AGAP1: variants seen among roughly 807,000 people sequenced by gnomAD.
AGAP1 encodes the protein arf-GAP with GTPase, ANK repeat and PH domain-containing protein 1.
A neutral mutation model predicts 105.3 loss-of-function variants in AGAP1; 29 were observed. That is an observed-to-expected ratio of 0.28 (90% confidence interval 0.21 to 0.38). The LOEUF is 0.38. AGAP1 is among the 10% of genes least tolerant of loss of function. The pLI is 1.00. For synonymous variants in AGAP1, 509 were observed against 485.9 expected (o/e 1.05, Z -0.63); for missense variants, 998 against 1,165.1 (o/e 0.86, Z 2.09).
At chr2:235,646,747 T>G (rs1947400491) in intron 1 of AGAP1, among the ~76,000 whole-genome samples, 1 of 152,230 alleles carries the variant, frequency 6.6e-6, no homozygotes, top group Non-Finnish European at 1.5e-5. Context: ...TGGGCCACCC[T>G]TAGGCCTTGA....
intron 1 of AGAP1, among the ~76,000 whole-genome samples, chr2:235,500,990 A>G (rs1358019623): frequency 1.3e-5 from 2 of 152,152 alleles, no homozygotes; most frequent in African/African-American, 2.4e-5. Flanking sequence ...CTTAACACCA[A>G]TCAAAGAGCC....
rs574061716 is a variant in AGAP1 at position 235,600,436 on chromosome 2, C to A, written c.163+105587C>A. 8.6e-4 allele frequency among the ~76,000 whole-genome samples: 131 copies of A among 152,238 alleles called. No homozygotes were observed. The highest frequency in any genetic ancestry group is 2.9e-3 in the Admixed American group (44 of 15,292). On this transcript the variant is annotated intron_variant, in intron 1 of 17. Transcript: ENST00000304032. This position sits in a 1 kb window ranked among gnomAD's most constrained non-coding sequence, Gnocchi z 4.8. Reference sequence around the variant, plus strand: ...TAGACCCCCATACTCCTGTAGATACCCCCTCATTACAGACCCCCACCATCC... The same window carrying A: ...TAGACCCCCATACTCCTGTAGATACACCCTCATTACAGACCCCCACCATCC...
chr2:236,103,120 T>G (rs2059400872), intron 16 of AGAP1, among the ~76,000 whole-genome samples: 1 of 150,732 alleles, frequency 6.6e-6, no homozygotes, highest in African/African-American at 2.5e-5. Context: ...GCACAGCGCC[T>G]CCTCCCTGCT....
chr2:235,791,874 G>A (rs967285114), intron 6 of AGAP1, among the ~76,000 whole-genome samples: 1 of 152,212 alleles, frequency 6.6e-6, no homozygotes, highest in Non-Finnish European at 1.5e-5. Context: ...GAAATGTGAA[G>A]TAAGTGTCAC....
intron 1 of AGAP1, among the ~76,000 whole-genome samples, chr2:235,629,158 A>G (rs1243778029): frequency 3.9e-5 from 6 of 152,138 alleles, no homozygotes; most frequent in Non-Finnish European, 7.4e-5. Context: ...CGTGAGAACA[A>G]CAATGTTTGG....
rs1351559079 is a variant in AGAP1, at chr2:236,044,739, A to C, written c.1891+3898A>C. 6.6e-6 allele frequency among the ~76,000 whole-genome samples: 1 copy of C among 150,670 alleles called. No individual in the cohort carries two copies. The highest frequency in any genetic ancestry group is 1.5e-5 in the Non-Finnish European group (1 of 67,902). ...GGTCTCCTTCCCATTGTCGCCTCTT[A>C]GTCCTTCCCTGACCTCCAGGTTTGA... On this transcript the variant is annotated intron_variant, in intron 15 of 17. Coordinates refer to ENST00000304032, the MANE Select transcript of AGAP1 (RefSeq NM_001037131.3). This position sits in a 1 kb window ranked among gnomAD's most constrained non-coding sequence, Gnocchi z 5.7.
Position 235,872,738 on chromosome 2 carries a change from T to C in AGAP1, c.1051-10607T>C, listed in dbSNP as rs1475399516. Among the ~76,000 whole-genome samples, 1 of 152,188 alleles carries C rather than the reference T, an allele frequency of 6.6e-6. No individual in the cohort carries two copies. Among genetic ancestry groups the C allele is most frequent in the African/African-American group, 2.4e-5 (1 of 41,444 alleles). ...CCAGTGGGGGCCACCTTAGTACCAC[T>C]TCCTCCCTAAGGAAAGCGACGGGCC... On this transcript the variant is annotated intron_variant, in intron 9 of 17. Coordinates refer to ENST00000304032, the MANE Select transcript of AGAP1 (RefSeq NM_001037131.3). This position sits in a 1 kb window ranked among gnomAD's most constrained non-coding sequence, Gnocchi z 4.5.
rs899207266 is a variant in AGAP1, at chr2:236,105,877, G to A, written c.2115-14315G>A. Among the ~76,000 whole-genome samples, 2 of 152,172 alleles carry A rather than the reference G, an allele frequency of 1.3e-5. No individual in the cohort carries two copies. Among genetic ancestry groups the A allele is most frequent in the African/African-American group, 2.4e-5 (1 of 41,444 alleles). On this transcript the variant is annotated intron_variant, in intron 16 of 17. Transcript: ENST00000304032. The surrounding 1 kb of genome is among the most constrained non-coding windows in gnomAD (Gnocchi z 4.2). ...CTCCCAAAGTGCTGGGATTACAGGC[G>A]TGAGCCATCGTGCCCGGCCCCTCTT...
At chr2:236,098,907 G>A (rs2059265090) in intron 16 of AGAP1, among the ~76,000 whole-genome samples, 1 of 151,866 alleles carries the variant, frequency 6.6e-6, no homozygotes, top group Non-Finnish European at 1.5e-5. Flanking sequence ...ACAGGTGTGA[G>A]CCCACCTGGC....
intron 1 of AGAP1, among the ~76,000 whole-genome samples, chr2:235,668,076 G>A (rs538018678): frequency 7.8e-4 from 119 of 151,712 alleles, no homozygotes; most frequent in Non-Finnish European, 1.4e-3. Flanking sequence ...CACATCCAGA[G>A]CCCTTAGAGT....
chr2:235,775,761 C>T (rs992087167), intron 6 of AGAP1: 3 of 152,164 alleles, frequency 2.0e-5, no homozygotes, highest in South Asian at 2.1e-4. Context: ...ATTCTATGTA[C>T]GTGTAATTAA....
rs1449397261 is a variant in AGAP1, at chr2:235,578,590, C to G, written c.163+83741C>G. ...TTGAGGTCAGGAGTTTGAGACCAGC[C>G]TGGGCAACATGGTGAAACCTCGTCT... On this transcript the variant is annotated intron_variant, in intron 1 of 17. Transcript: ENST00000304032. This position sits in a 1 kb window ranked among gnomAD's most constrained non-coding sequence, Gnocchi z 4.9. Among the ~76,000 whole-genome samples the G allele has an allele frequency of 6.6e-6, 1 of 151,928 alleles. No homozygotes were observed. The highest frequency in any genetic ancestry group is 1.5e-5 in the Non-Finnish European group (1 of 67,964).
At chr2:235,898,205 A>C (rs1027406525) in intron 10 of AGAP1, among the ~76,000 whole-genome samples, 1 of 152,216 alleles carries the variant, frequency 6.6e-6, no homozygotes, top group South Asian at 2.1e-4. Flanking sequence ...TTATGGCTTT[A>C]AAATTAGTGT....
rs1327503033 is a variant in AGAP1 at position 236,001,017 on chromosome 2, C to T, written c.1645+32394C>T. On this transcript the variant is annotated intron_variant, in intron 13 of 17. Coordinates refer to ENST00000304032, the MANE Select transcript of AGAP1 (RefSeq NM_001037131.3). This position sits in a 1 kb window ranked among gnomAD's most constrained non-coding sequence, Gnocchi z 4.7. ...CCAGAAAGAGATGAGTTGTCCTAAC[C>T]CCCACTACCTCAGAATGTGGCCTCA... Among the ~76,000 whole-genome samples the T allele has an allele frequency of 6.6e-6, 1 of 152,142 alleles. No individual in the cohort carries two copies. The highest frequency in any genetic ancestry group is 2.4e-5 in the African/African-American group (1 of 41,424).
chr2:236,015,557 C>CTT (rs56379614), intron 13 of AGAP1, among the ~76,000 whole-genome samples: 4 of 151,282 alleles, frequency 2.6e-5, no homozygotes, highest in African/African-American at 9.7e-5. Flanking sequence ...TATAAATTGC[C>CTT]TTTTTTTTTA....
At position 236,049,214 on chromosome 2, in the gene AGAP1, G is replaced by C; in HGVS notation, c.2047G>C (p.Glu683Gln). ...CAAGGTGATGTCATCCATCGGGAAC[G>C]AGCTAGCCAACAGCGTCTGGGAAGA... ...LIKVMSSIGN[E>Q]LANSVWEESS... The change falls in exon 16 of 18, where the codon GAG becomes CAG. Residue 683 changes from glutamate (E) to glutamine (Q), a missense_variant. By Grantham distance (29) the Glu-to-Gln change is conservative. This residue lies in a region of AGAP1 where 235 missense variants were observed against 270.7 expected (regional missense o/e 0.87). Coordinates refer to ENST00000304032, the MANE Select transcript of AGAP1 (RefSeq NM_001037131.3). The C allele has an allele frequency of 1.2e-6, 2 of 1,614,192 alleles. No homozygotes were observed. Among genetic ancestry groups the C allele is most frequent in the African/African-American group, 2.7e-5 (2 of 75,036 alleles).
chr2:235,675,574 A>G (rs1043430158), intron 1 of AGAP1, among the ~76,000 whole-genome samples: 2 of 152,208 alleles, frequency 1.3e-5, no homozygotes, highest in Non-Finnish European at 2.9e-5. Context: ...TTGATTATCT[A>G]CAGTGTTTTG....
intron 14 of AGAP1, chr2:236,037,426 CTA>C (rs1300874473): frequency 6.6e-6 from 1 of 152,120 alleles, no homozygotes; most frequent in Non-Finnish European, 1.5e-5. Context: ...TGGAGAGAGT[CTA>C]TCTCTGTCAC....
chr2:235,827,867 T>C (rs952412878), intron 9 of AGAP1, among the ~76,000 whole-genome samples: 1 of 152,220 alleles, frequency 6.6e-6, no homozygotes, highest in African/African-American at 2.4e-5. Flanking sequence ...GCTGGGATGT[T>C]GCTAGCATGC....
Sources: allele counts gnomAD v4.1 joint callset (sites outside exome capture counted in the v4.1 genomes callset), GRCh38; gene constraint gnomAD v4.1.1; regional missense constraint gnomAD v4.1.1; non-coding constraint Gnocchi (gnomAD v3.1); transcripts MANE v1.5; gene names NCBI Gene and HGNC (gene_info 2026-07-23, HGNC 2026-07-21).